DMD: variants seen among roughly 807,000 people sequenced by gnomAD.
DMD encodes mutant dystrophin.
In DMD, 63 loss-of-function variants were observed where a neutral mutation model predicts 330.1. The observed-to-expected ratio is 0.19, with a 90% confidence interval of 0.16 to 0.24. DMD has a LOEUF of 0.24. Among genes scored for constraint, DMD ranks in the 10% least tolerant of loss-of-function variants. The pLI, the probability that DMD is intolerant of heterozygous loss-of-function variation, is 1.00. For synonymous variants in DMD, 1,223 were observed against 959.8 expected (o/e 1.27, Z -5.07); for missense variants, 3,344 against 2,684.1 (o/e 1.25, Z -5.43).
At chrX:31,571,142 T>A (rs761173833) in intron 55 of DMD, among the ~76,000 whole-genome samples, 18 of 111,476 alleles carry the variant, frequency 1.6e-4, no homozygotes, top group African/African-American at 5.9e-4. Context: ...AGAAACTCAA[T>A]AGCATTGTTA....
intron 7 of DMD, among the ~76,000 whole-genome samples, chrX:32,719,283 G>T (rs1454105694): frequency 8.9e-6 from 1 of 111,869 alleles, no homozygotes; most frequent in Non-Finnish European, 1.9e-5. Flanking sequence ...GTATTACAAA[G>T]GTTCAGATAA....
chrX:33,003,826 G>T (rs997832487), intron 2 of DMD, among the ~76,000 whole-genome samples: 1 of 112,148 alleles, frequency 8.9e-6, no homozygotes, highest in African/African-American at 3.2e-5. Flanking sequence ...ATTATATAGT[G>T]AGGCATACTT....
At chrX:32,116,607 GC>G (rs2096611935) in intron 44 of DMD, among the ~76,000 whole-genome samples, 1 of 111,831 alleles carries the variant, frequency 8.9e-6, no homozygotes, top group African/African-American at 3.3e-5. Flanking sequence ...ACGGGAAGGG[GC>G]TTTTTCTGTA....
At chrX:33,003,663 G>A (rs16990815) in intron 2 of DMD, among the ~76,000 whole-genome samples, 18,379 of 111,172 alleles carry the variant, frequency 0.17, 2,049 homozygotes, top group African/African-American at 0.4. Context: ...TGATAGGTTT[G>A]TTCTTTAGCA....
intron 77 of DMD, among the ~76,000 whole-genome samples, chrX:31,129,227 T>C (rs1296202177): frequency 8.9e-6 from 1 of 112,048 alleles, no homozygotes; most frequent in African/African-American, 3.2e-5. Context: ...TGGGTGCTTT[T>C]AGCCTCTTTT....
intron 54 of DMD, among the ~76,000 whole-genome samples, chrX:31,648,923 TA>T (rs2080275269): frequency 9.0e-6 from 1 of 110,998 alleles, no homozygotes; most frequent in South Asian, 3.7e-4. Flanking sequence ...ATTCATTTAT[TA>T]AAAAAACTCA....
intron 47 of DMD, among the ~76,000 whole-genome samples, chrX:31,898,820 C>T (rs1423330325): frequency 1.8e-5 from 2 of 112,055 alleles, no homozygotes; most frequent in Non-Finnish European, 3.8e-5. Flanking sequence ...GAGGCTGATA[C>T]AGAAGAATAG....
chrX:33,135,589 C>T (rs1336942462), intron 1 of DMD, among the ~76,000 whole-genome samples: 1 of 111,857 alleles, frequency 8.9e-6, no homozygotes, highest in Non-Finnish European at 1.9e-5. Flanking sequence ...AATTAAGCAG[C>T]TTCCAAAACT....
At chrX:31,434,585 A>T (rs2064375496) in intron 60 of DMD, among the ~76,000 whole-genome samples, 1 of 111,305 alleles carries the variant, frequency 9.0e-6, no homozygotes, top group African/African-American at 3.3e-5. Flanking sequence ...AAGAAACCAT[A>T]ACCTCCATGA....
intron 51 of DMD, among the ~76,000 whole-genome samples, chrX:31,773,546 TAATC>T (rs2090463891): frequency 9.0e-6 from 1 of 111,507 alleles, no homozygotes; most frequent in African/African-American, 3.3e-5. Context: ...GAGTGGATAA[TAATC>T]AATTCCCAGA....
intron 7 of DMD, among the ~76,000 whole-genome samples, chrX:32,700,407 T>G (rs1451797202): frequency 9.0e-6 from 1 of 111,109 alleles, no homozygotes; most frequent in Non-Finnish European, 1.9e-5. Flanking sequence ...TACCAGGGGC[T>G]GTGGGGCAGG....
rs779227662 is a variant in DMD at position 32,868,241 on chromosome X, G to A, written c.94-18421C>T. ...CCGCAGATCAGGAGATCCCACTTGC[G>A]AGCCCATGCCAACAGGGCCTTGGGT... On this transcript the variant is annotated intron_variant, in intron 2 of 78. Coordinates refer to ENST00000357033, the MANE Select transcript of DMD (RefSeq NM_004006.3). 3.5e-3 allele frequency among the ~76,000 whole-genome samples: 393 copies of A among 111,322 alleles called. 2 individuals are homozygous for A. Among genetic ancestry groups the A allele is most frequent in the African/African-American group, 0.012 (370 of 30,225 alleles).
intron 44 of DMD, among the ~76,000 whole-genome samples, chrX:32,033,858 C>T (rs2095916244): frequency 9.0e-6 from 1 of 111,527 alleles, no homozygotes; most frequent in South Asian, 3.7e-4. Context: ...TGCAGGCAAC[C>T]ATTTGCACAC....
At chrX:32,702,618 TTAAAG>T (rs1300974148) in intron 7 of DMD, among the ~76,000 whole-genome samples, 1 of 111,501 alleles carries the variant, frequency 9.0e-6, no homozygotes, top group Non-Finnish European at 1.9e-5. Context: ...CAAAATTTTA[TTAAAG>T]TAAATTCTTT....
intron 43 of DMD, among the ~76,000 whole-genome samples, chrX:32,239,999 T>C (rs1190220703): frequency 1.8e-5 from 2 of 111,976 alleles, no homozygotes; most frequent in Non-Finnish European, 3.8e-5. Context: ...GCTATTGTTT[T>C]TTTCCCAATA....
chrX:32,435,605 C>T (rs1287781211), intron 29 of DMD, among the ~76,000 whole-genome samples: 8 of 110,531 alleles, frequency 7.2e-5, no homozygotes, highest in Admixed American at 2.9e-4. Context: ...GTTTTTGACA[C>T]GGGAACATTT....
At chrX:31,422,043 A>ATATTT (rs1556630715) in intron 60 of DMD, among the ~76,000 whole-genome samples, 13 of 28,755 alleles carry the variant, frequency 4.5e-4, no homozygotes, top group African/African-American at 8.8e-4. Flanking sequence ...ATATATATAT[A>ATATTT]TTTTTTTTTT....
In DMD at chrX:31,209,449, C is replaced by G. The variant is rs778194581; in HGVS notation, c.9563+49G>C. 24 of 1,152,988 alleles carry G rather than the reference C, an allele frequency of 2.1e-5. No individual in the cohort carries two copies. In the South Asian group the frequency reaches 3.4e-4, roughly 16 times the overall value. ...TAATTACACTTCACCATTCTGTACG[C>G]TAAGCCTCCTGTGACAGAGCCCGGG... On this transcript the variant is annotated intron_variant, in intron 65 of 78. Transcript: ENST00000357033.
intron 52 of DMD, among the ~76,000 whole-genome samples, chrX:31,687,552 C>T (rs187030522): frequency 5.4e-5 from 6 of 111,702 alleles, no homozygotes; most frequent in Middle Eastern, 4.6e-3. Flanking sequence ...GTGGTGAGGG[C>T]CACAGGGAGA....
Sources: allele counts gnomAD v4.1 joint callset (sites outside exome capture counted in the v4.1 genomes callset), GRCh38; gene constraint gnomAD v4.1.1; transcripts MANE v1.5; gene names NCBI Gene and HGNC (gene_info 2026-07-23, HGNC 2026-07-21).